Variants in MGAT5B observed in about 807,000 individuals in gnomAD.
MGAT5B encodes alpha-1,6-mannosylglycoprotein 6-beta-N-acetylglucosaminyltransferase B, also known as N-acetylglucosaminyl-transferase Vb.
MGAT5B carries 54 observed loss-of-function variants against 95.1 expected under a neutral mutation model. The observed-to-expected ratio is 0.57, with a 90% CI of 0.46 to 0.71. The LOEUF is 0.71. Ranked by LOEUF, MGAT5B falls within the 30% of genes least tolerant of loss-of-function variation. MGAT5B has a pLI of 0.00. For synonymous variants in MGAT5B, 464 were observed against 451.0 expected, an observed-to-expected ratio of 1.03 and a Z score of -0.36; for missense variants, 935 against 1,088.6, an observed-to-expected ratio of 0.86 and a Z score of 1.99.
Position 76,938,064 on chromosome 17 carries a change from C to A in MGAT5B, c.1505C>A (p.Pro502His). The A allele has an allele frequency of 1.2e-6, 2 of 1,614,268 alleles. No individual in the cohort carries two copies. The highest frequency in any genetic ancestry group is 1.7e-5 in the Admixed American group (1 of 60,034). Residue 502 changes from proline (P) to histidine (H), a missense_variant, in exon 13 of 18, where the codon CCC (proline) becomes CAC (histidine). Transcript: ENST00000569840. This position sits in a 1 kb window ranked among gnomAD's most constrained non-coding sequence, Gnocchi z 4.3. The stretch of plus-strand genomic sequence containing the variant: ...ACCGTGTACTACGAGAGCCAGCGGC[C>A]CCCCGAGGTGCCAGCCTTTGTGAAG... ...HGTVYYESQR[P>H]PEVPAFVKNH...
At chr17:76,948,196 G>C (rs537320299) in intron 17 of MGAT5B, 110 bp downstream of exon 17, 26 of 1,450,996 alleles carry the variant, frequency 1.8e-5, no homozygotes, top group Non-Finnish European at 6.3e-6. Context: ...AGTGTGGGGG[G>C]ATGTAATGCT....
At chr17:76,932,322 C>T (rs1969517640) in intron 10 of MGAT5B, among the ~76,000 whole-genome samples, 1 of 151,902 alleles carries the variant, frequency 6.6e-6, no homozygotes, top group South Asian at 2.1e-4. Context: ...TAAATAGAGA[C>T]AGGGTCTCAC....
Position 76,930,473 on chromosome 17 carries a change from C to G in MGAT5B, c.1292-2172C>G, listed in dbSNP as rs1321926384. Among the ~76,000 whole-genome samples the G allele has an allele frequency of 6.6e-6, 1 of 152,184 alleles. No homozygotes were observed. The highest frequency in any genetic ancestry group is 6.5e-5 in the Admixed American group (1 of 15,282). ...GCTGGGCAGCTGCTCCCAGCCTCCT[C>G]ACTCACCATAGCCCCTTCCGTGCGG... On this transcript the variant is annotated intron_variant, in intron 10 of 17. Coordinates refer to ENST00000569840, the MANE Select transcript of MGAT5B (RefSeq NM_001199172.2). The surrounding 1 kb of genome is among the most constrained non-coding windows in gnomAD (Gnocchi z 4.1).
Position 76,944,875 on chromosome 17 carries a change from A to G in MGAT5B, c.1849-1501A>G, listed in dbSNP as rs192402266. ...TAGCACCACCCAACGCTGATGAGGA[A>G]GAAAGGAGGTGGTTGCAGGCTTGAG... On this transcript the variant is annotated intron_variant, in intron 15 of 17. Coordinates refer to ENST00000569840, the MANE Select transcript of MGAT5B (RefSeq NM_001199172.2). 5.9e-5 allele frequency among the ~76,000 whole-genome samples: 9 copies of G among 152,336 alleles called. No homozygotes were observed. In the East Asian group the frequency reaches 1.4e-3, roughly 23 times the overall value.
At chr17:76,925,143 G>A (rs369296725) in intron 9 of MGAT5B, 46 bp downstream of exon 9, 1 of 1,607,444 alleles carries the variant, frequency 6.2e-7, no homozygotes, top group East Asian at 2.2e-5. Context: ...CATGCCAGGG[G>A]AGAAAGCTCC....
At position 76,940,313 on chromosome 17, in the gene MGAT5B, C is replaced by G. The variant is rs1013121351; in HGVS notation, c.1585-89C>G. The G allele has an allele frequency of 2.8e-6, 4 of 1,446,168 alleles. No homozygotes were observed. The highest frequency in any genetic ancestry group is 2.8e-6 in the Non-Finnish European group (3 of 1,088,650). The allele number at this position is 1,446,168 out of a possible 1,614,324, so 89.6% of individuals were successfully genotyped here. A position where few individuals can be genotyped will look rare whatever the true frequency, so the allele number is the denominator to read the frequency against. ...GCCCAGCTGCCTCCTGTGAATATCCCGAAGCCTCACCTTGTCCCCGGCATC... is the reference window on the plus strand; with the variant it reads ...GCCCAGCTGCCTCCTGTGAATATCCGGAAGCCTCACCTTGTCCCCGGCATC... On this transcript the variant is annotated intron_variant, in intron 13 of 17. Coordinates refer to ENST00000569840, the MANE Select transcript of MGAT5B (RefSeq NM_001199172.2). This position sits in a 1 kb window ranked among gnomAD's most constrained non-coding sequence, Gnocchi z 4.3.
At chr17:76,928,754 A>G (rs1969393591) in intron 10 of MGAT5B, among the ~76,000 whole-genome samples, 1 of 152,078 alleles carries the variant, frequency 6.6e-6, no homozygotes, top group African/African-American at 2.4e-5. Flanking sequence ...GGAAGCAGTC[A>G]GATTGGAGGC....
Position 76,948,991 on chromosome 17 carries a change from C to T in MGAT5B, c.*153C>T. 1.1e-6 allele frequency: 1 copy of T among 907,450 alleles called. No individual in the cohort carries two copies. Among genetic ancestry groups the T allele is most frequent in the Non-Finnish European group, 1.6e-6 (1 of 615,702 alleles). The allele number at this position is 907,450 out of a possible 1,614,324, so 56.2% of individuals were successfully genotyped here. On this transcript the variant is annotated 3_prime_UTR_variant, in exon 18 of 18. Coordinates refer to ENST00000569840, the MANE Select transcript of MGAT5B (RefSeq NM_001199172.2). ...TAGCCGGGAAGCTGGCAGAGGAGAG[C>T]CGTGCCCGGGAATAGGAGGAGGCAG...
chr17:76,948,541 G>A (rs1018624493), intron 17 of MGAT5B, 99 bp from the exon 18 acceptor site: 47 of 1,227,982 alleles, frequency 3.8e-5, no homozygotes, highest in Non-Finnish European at 5.3e-5. Context: ...CCAGAGAAGG[G>A]GAGCAGGCAG....
chr17:76,939,335 T>TA (rs1969790227), intron 13 of MGAT5B, among the ~76,000 whole-genome samples: 1 of 151,832 alleles, frequency 6.6e-6, no homozygotes, highest in South Asian at 2.1e-4. Context: ...CTGTCTCTAC[T>TA]AAAATACAAA....
At chr17:76,904,148 G>T in intron 5 of MGAT5B, 104 bp from the exon 6 acceptor site, 2 of 1,203,906 alleles carry the variant, frequency 1.7e-6, no homozygotes, top group Non-Finnish European at 1.1e-6. Flanking sequence ...GGCCACATGG[G>T]CCCCATCCTT....
At chr17:76,934,400 C>T (rs1468818434) in intron 12 of MGAT5B, among the ~76,000 whole-genome samples, 1 of 152,162 alleles carries the variant, frequency 6.6e-6, no homozygotes, top group African/African-American at 2.4e-5. Flanking sequence ...TGGCCCTGAC[C>T]CCACAGCCTG....
chr17:76,932,797 G>A lies in MGAT5B; in HGVS notation c.1422+22G>A, dbSNP rs749550841. Reference sequence around the variant, plus strand: ...GAAGGTGAGCGCGGCCCCTGCGCGCGGGAAGCACCAGCCTGCTCGGCACAG... The same window carrying A: ...GAAGGTGAGCGCGGCCCCTGCGCGCAGGAAGCACCAGCCTGCTCGGCACAG... On this transcript the variant is annotated intron_variant, in intron 11 of 17. Transcript: ENST00000569840. 25 of 1,612,164 alleles carry A rather than the reference G, an allele frequency of 1.6e-5. 1 individual carries two copies. The highest frequency in any genetic ancestry group is 1.4e-4 in the South Asian group (13 of 90,932).
Position 76,914,645 on chromosome 17 carries a change from T to C in MGAT5B, c.1025+8458T>C, listed in dbSNP as rs1244095242. Among the ~76,000 whole-genome samples the C allele has an allele frequency of 3.4e-5, 2 of 59,214 alleles. No individual in the cohort carries two copies. Among genetic ancestry groups the C allele is most frequent in the Non-Finnish European group, 7.9e-5 (2 of 25,386 alleles). The allele number at this position is 59,214 out of a possible 152,430, so 38.8% of individuals were successfully genotyped here. Reference sequence around the variant, plus strand: ...TCTGTGTCCACATTTCTTCTTCCTCTTTTTTTTTTTTTGAGACAGAGTCTT... The same window carrying C: ...TCTGTGTCCACATTTCTTCTTCCTCCTTTTTTTTTTTTGAGACAGAGTCTT... On this transcript the variant is annotated intron_variant, in intron 8 of 17. Transcript: ENST00000569840. This position sits in a 1 kb window ranked among gnomAD's most constrained non-coding sequence, Gnocchi z 5.1.
Position 76,918,211 on chromosome 17 carries a change from G to A in MGAT5B, c.1026-6755G>A, listed in dbSNP as rs1598962153. Reference sequence around the variant, plus strand: ...CCCCAACAACTGCACGCCTTGTACCGCACCCCCACCCCCGCACCCATGCTT... The same window carrying A: ...CCCCAACAACTGCACGCCTTGTACCACACCCCCACCCCCGCACCCATGCTT... On this transcript the variant is annotated intron_variant, in intron 8 of 17. Transcript: ENST00000569840. The surrounding 1 kb of genome is among the most constrained non-coding windows in gnomAD (Gnocchi z 5.1). Among the ~76,000 whole-genome samples the A allele has an allele frequency of 6.6e-6, 1 of 151,662 alleles. No homozygotes were observed. The highest frequency in any genetic ancestry group is 1.5e-5 in the Non-Finnish European group (1 of 67,916).
intron 3 of MGAT5B, among the ~76,000 whole-genome samples, chr17:76,901,612 A>G (rs1968318430): frequency 6.6e-6 from 1 of 152,182 alleles, no homozygotes; most frequent in African/African-American, 2.4e-5. Context: ...ACTGGTATCG[A>G]TGGTGAGGTG....
At position 76,912,773 on chromosome 17, in the gene MGAT5B, A is replaced by G. The variant is rs2145209452; in HGVS notation, c.1025+6586A>G. Among the ~76,000 whole-genome samples the G allele has an allele frequency of 6.6e-6, 1 of 152,288 alleles. No individual in the cohort carries two copies. Among genetic ancestry groups the G allele is most frequent in the South Asian group, 2.1e-4 (1 of 4,816 alleles). The stretch of plus-strand genomic sequence containing the variant: ...TGCGCTCTGTGATGAGACTGCAGCA[A>G]GGTGATGTCAGCCAGTCCCCGCCCG... On this transcript the variant is annotated intron_variant, in intron 8 of 17. Transcript: ENST00000569840. This position sits in a 1 kb window ranked among gnomAD's most constrained non-coding sequence, Gnocchi z 5.0.
rs11654586 is a variant in MGAT5B at position 76,914,861 on chromosome 17, C to T, written c.1025+8674C>T. Among the ~76,000 whole-genome samples, 31,840 of 152,152 alleles carry T rather than the reference C, an allele frequency of 0.21. 3,846 individuals are homozygous for T. The highest frequency in any genetic ancestry group is 0.38 in the Middle Eastern group (111 of 294). On this transcript the variant is annotated intron_variant, in intron 8 of 17. Transcript: ENST00000569840. The surrounding 1 kb of genome is among the most constrained non-coding windows in gnomAD (Gnocchi z 5.1). ...CCATGTGGGCCAGGCTGGTCTCAAA[C>T]TCCTGACCTCAGGTGTTCCACCCAC...
At chr17:76,919,275 A>C (rs1413212428) in intron 8 of MGAT5B, among the ~76,000 whole-genome samples, 1 of 152,070 alleles carries the variant, frequency 6.6e-6, no homozygotes, top group East Asian at 1.9e-4. Flanking sequence ...TTCCCTGGAT[A>C]TTTACAGAGC....
Sources: allele counts gnomAD v4.1 joint callset (sites outside exome capture counted in the v4.1 genomes callset), GRCh38; gene constraint gnomAD v4.1.1; non-coding constraint Gnocchi (gnomAD v3.1); transcripts MANE v1.5; gene names NCBI Gene and HGNC (gene_info 2026-07-23, HGNC 2026-07-21).